Variants in RTN4IP1 observed in about 807,000 individuals in gnomAD.
The protein encoded by RTN4IP1 is reticulon 4 interacting protein 1, also known as NAD(P)H oxidoreductase RTN4IP1, mitochondrial.
In RTN4IP1, 32 loss-of-function variants were observed where a neutral mutation model predicts 46.6. The observed-to-expected ratio is 0.69, with a 90% CI of 0.52 to 0.92. RTN4IP1 has a LOEUF of 0.92. Among genes scored for constraint, RTN4IP1 ranks in the 40% least tolerant of loss-of-function variants. RTN4IP1 has a pLI of 0.00. For synonymous variants in RTN4IP1, 167 were observed against 161.8 expected (o/e 1.03, Z -0.24); for missense variants, 424 against 485.8 (o/e 0.87, Z 1.20).
chr6:106,593,220 G>C (rs921373884), intron 5 of RTN4IP1, among the ~76,000 whole-genome samples: 1 of 152,094 alleles, frequency 6.6e-6, no homozygotes, highest in Non-Finnish European at 1.5e-5. Context: ...CTCCCTTGGA[G>C]TAAGAAAACC....
chr6:106,619,992 C>T (rs1405628204), intron 3 of RTN4IP1, among the ~76,000 whole-genome samples: 1 of 152,078 alleles, frequency 6.6e-6, no homozygotes, highest in Non-Finnish European at 1.5e-5. Flanking sequence ...ATTCTAGCTT[C>T]CCTTATTATA....
chr6:106,593,493 A>C lies in RTN4IP1; in HGVS notation c.670-1193T>G, dbSNP rs11752883. ...TTTTGTGCAGATAATTATAGATCATAAGAGATCACTTGTTTTCTCAATCTT... is the reference window on the plus strand; with the variant it reads ...TTTTGTGCAGATAATTATAGATCATCAGAGATCACTTGTTTTCTCAATCTT... On this transcript the variant is annotated intron_variant, in intron 5 of 8. Transcript: ENST00000369063. Among the ~76,000 whole-genome samples the C allele has an allele frequency of 7.6e-3, 1,156 of 152,304 alleles. 7 individuals are homozygous for C. The highest frequency in any genetic ancestry group is 0.012 in the Non-Finnish European group (840 of 68,014).
At chr6:106,580,716 C>A (rs9486420) in intron 8 of RTN4IP1, among the ~76,000 whole-genome samples, 1 of 136,154 alleles carries the variant, frequency 7.3e-6, no homozygotes, top group Non-Finnish European at 1.6e-5. Flanking sequence ...AAGACTCTGT[C>A]TCAAAGAAAA....
rs549563026 is a variant in RTN4IP1 at position 106,609,326 on chromosome 6, G to A, written c.621-6404C>T. The stretch of plus-strand genomic sequence containing the variant: ...ATCCGGCACTTTGGGAGGCTGAGGC[G>A]GGAGGATTGCTTGAGCCCAGGAGTT... On this transcript the variant is annotated intron_variant, in intron 4 of 8. Transcript: ENST00000369063. 1.4e-4 allele frequency among the ~76,000 whole-genome samples: 21 copies of A among 152,298 alleles called. 1 individual carries two copies. The South Asian group carries it at 3.1e-3, about 23-fold the overall frequency.
At chr6:106,593,973 A>G (rs1297964094) in intron 5 of RTN4IP1, among the ~76,000 whole-genome samples, 3 of 152,190 alleles carry the variant, frequency 2.0e-5, no homozygotes, top group Non-Finnish European at 4.4e-5. Flanking sequence ...GGAAAAAGAA[A>G]AGTATGTTCT....
At chr6:106,606,183 A>G (rs1776069436) in intron 4 of RTN4IP1, among the ~76,000 whole-genome samples, 1 of 152,214 alleles carries the variant, frequency 6.6e-6, no homozygotes, top group South Asian at 2.1e-4. Context: ...ACACTTCAGG[A>G]GGCTGAGGCA....
intron 4 of RTN4IP1, among the ~76,000 whole-genome samples, chr6:106,605,111 C>T (rs1004466714): frequency 6.6e-6 from 1 of 152,216 alleles, no homozygotes; most frequent in African/African-American, 2.4e-5. Flanking sequence ...GACCTGAGAA[C>T]CAGACTGCCT....
At chr6:106,573,316 C>T (rs966355333) in intron 8 of RTN4IP1, among the ~76,000 whole-genome samples, 3 of 152,186 alleles carry the variant, frequency 2.0e-5, no homozygotes, top group African/African-American at 4.8e-5. Flanking sequence ...AGGCATAAGC[C>T]AACTCATACA....
rs771030510 is a variant in RTN4IP1, at chr6:106,629,054, C to T, written c.-33G>A. ...ACTGGTTGAACTGCGTGCTCAAATT[C>T]AAATACACTTGGACTGGATCAAACT... On this transcript the variant is annotated 5_prime_UTR_variant, in exon 1 of 9. Transcript: ENST00000369063. 6 of 1,583,370 alleles carry T rather than the reference C, an allele frequency of 3.8e-6. No homozygotes were observed. In the East Asian group the frequency reaches 1.3e-4, roughly 36 times the overall value.
At chr6:106,595,721 C>T (rs563410724) in intron 5 of RTN4IP1, among the ~76,000 whole-genome samples, 1 of 152,220 alleles carries the variant, frequency 6.6e-6, no homozygotes, top group South Asian at 2.1e-4. Context: ...TGGTCTGGAA[C>T]CCTTGACCTG....
chr6:106,590,541 C>T (rs1326859342), intron 6 of RTN4IP1, among the ~76,000 whole-genome samples: 1 of 151,526 alleles, frequency 6.6e-6, no homozygotes, highest in Non-Finnish European at 1.5e-5. Context: ...ATGGTGAAAC[C>T]CCATCTCTAC....
intron 7 of RTN4IP1, among the ~76,000 whole-genome samples, chr6:106,585,229 T>C (rs1163883505): frequency 6.6e-6 from 1 of 152,204 alleles, no homozygotes; most frequent in Non-Finnish European, 1.5e-5. Context: ...ATCCCAACAC[T>C]TTGGGAGACC....
upstream of RTN4IP1, among the ~76,000 whole-genome samples, chr6:106,629,858 G>C (rs1776779018): frequency 6.6e-6 from 1 of 152,160 alleles, no homozygotes; most frequent in Non-Finnish European, 1.5e-5. Flanking sequence ...GATTCTTCGG[G>C]TGTACTCGCC....
upstream of RTN4IP1, chr6:106,629,725 T>C: frequency 6.2e-7 from 1 of 1,600,186 alleles, no homozygotes; most frequent in Non-Finnish European, 8.5e-7. Context: ...ATTGGCCCGC[T>C]GAGGCCCCCG....
chr6:106,601,562 TAC>T (rs1430651293), intron 5 of RTN4IP1, among the ~76,000 whole-genome samples: 1 of 152,206 alleles, frequency 6.6e-6, no homozygotes, highest in African/African-American at 2.4e-5. Flanking sequence ...CTAAGAGTTT[TAC>T]AGTTTTAGCT....
chr6:106,620,742 G>A (rs1008422080), intron 3 of RTN4IP1, among the ~76,000 whole-genome samples: 10 of 152,048 alleles, frequency 6.6e-5, no homozygotes, highest in African/African-American at 2.2e-4. Context: ...CCTCACAGAT[G>A]TTCAGTAATG....
chr6:106,595,520 G>C (rs1162467915), intron 5 of RTN4IP1, among the ~76,000 whole-genome samples: 3 of 148,952 alleles, frequency 2.0e-5, no homozygotes, highest in African/African-American at 7.5e-5. Flanking sequence ...TTTTTTGTGG[G>C]GGACAGTCTC....
At position 106,603,032 on chromosome 6, in the gene RTN4IP1, A is replaced by G. The variant is rs966204641; in HGVS notation, c.621-110T>C. 5 of 750,690 alleles carry G rather than the reference A, an allele frequency of 6.7e-6. No individual in the cohort carries two copies. The African/African-American group carries it at 7.3e-5, about 11-fold the overall frequency. The allele number at this position is 750,690 out of a possible 1,614,324, so 46.5% of individuals were successfully genotyped here. ...ATAAGATGATAAATAATTCTAAAAGAAAATAAAGTTATTCAGCTTCCCAAG... is the reference window on the plus strand; with the variant it reads ...ATAAGATGATAAATAATTCTAAAAGGAAATAAAGTTATTCAGCTTCCCAAG... On this transcript the variant is annotated intron_variant, in intron 4 of 8. Coordinates refer to ENST00000369063, the MANE Select transcript of RTN4IP1 (RefSeq NM_032730.5).
intron 4 of RTN4IP1, among the ~76,000 whole-genome samples, chr6:106,605,568 C>T (rs1331528805): frequency 2.6e-5 from 4 of 151,994 alleles, no homozygotes; most frequent in African/African-American, 9.7e-5. Flanking sequence ...AATCCCAGCA[C>T]TTTGGGAGGC....
Sources: gnomAD v4.1 joint callset for allele counts (sites outside exome capture counted in the v4.1 genomes callset) on GRCh38, gnomAD v4.1.1 for gene constraint, MANE v1.5 for transcripts, NCBI Gene and HGNC (gene_info 2026-07-23, HGNC 2026-07-21) for gene names.